The following PRMT7 variants were observed in gnomAD, a reference collection of about 807,000 sequenced individuals.
The protein encoded by PRMT7 is protein arginine methyltransferase 7.
In PRMT7, 75 loss-of-function variants were observed where a neutral mutation model predicts 85.4. The ratio of observed to expected loss-of-function variants is 0.88; its 90% CI spans 0.73 to 1.06. The LOEUF is 1.06. PRMT7 is among the 50% of genes least tolerant of loss of function. The probability of loss-of-function intolerance (pLI) is 0.00; values close to 1 mark genes in which losing one functional copy is unlikely to be tolerated. For synonymous variants in PRMT7, 397 were observed against 359.5 expected, an observed-to-expected ratio of 1.10 and a Z score of -1.18; for missense variants, 868 against 915.2, an observed-to-expected ratio of 0.95 and a Z score of 0.67.
Position 68,339,846 on chromosome 16 carries a change from C to T in PRMT7, c.805C>T (p.Pro269Ser). The T allele has an allele frequency of 1.2e-6, 2 of 1,614,198 alleles. No individual in the cohort carries two copies. Among genetic ancestry groups the T allele is most frequent in the Non-Finnish European group, 1.7e-6 (2 of 1,180,014 alleles). ...SAACHSRRFE[P>S]LTSGRAQVVL... ...AGCCTGCCATAGCAGGCGGTTTGAA[C>T]CTCTGACATCTGGCCGAGCTCAGGT... The change falls in exon 9 of 19, where the codon CCT (proline) becomes TCT (serine). Residue 269 changes from proline to serine, a missense_variant. Transcript: ENST00000441236.
At chr16:68,348,126 T>G (rs2086680966) in intron 13 of PRMT7, among the ~76,000 whole-genome samples, 1 of 152,068 alleles carries the variant, frequency 6.6e-6, no homozygotes, top group Non-Finnish European at 1.5e-5. Flanking sequence ...CGGGAGAAAT[T>G]TCTTTTGCTT....
chr16:68,316,834 A>G (rs1035524300), intron 3 of PRMT7: 1 of 152,248 alleles, frequency 6.6e-6, no homozygotes, highest in Non-Finnish European at 1.5e-5. Flanking sequence ...CATTGTGCTA[A>G]GGCTGTGGAT....
At chr16:68,333,785 A>T (rs550929061) in intron 6 of PRMT7, among the ~76,000 whole-genome samples, 89 of 151,710 alleles carry the variant, frequency 5.9e-4, no homozygotes, top group Middle Eastern at 6.8e-3. Context: ...AAAAAAAAAA[A>T]TTTTTTTTAG....
rs760575619 is a variant in PRMT7, at chr16:68,339,564, G to A, written c.746+1G>A. The A allele has an allele frequency of 2.5e-6, 4 of 1,612,832 alleles. No homozygotes were observed. Among genetic ancestry groups the A allele is most frequent in the East Asian group, 2.2e-5 (1 of 44,876 alleles). ...TCAGCGATGTGCTGCCCATGTTCAG[G>A]TACCAAGGAGCCACCATAGGTGATG... is the stretch of plus-strand genomic sequence containing the variant. On this transcript the variant is annotated splice_donor_variant, in intron 8 of 18. Coordinates refer to ENST00000441236, the MANE Select transcript of PRMT7 (RefSeq NM_019023.5). LOFTEE classifies it high-confidence loss of function.
rs2151854522 is a variant in PRMT7 at position 68,348,421 on chromosome 16, A to G, written c.1403A>G (p.Gln468Arg). 4 of 1,610,394 alleles carry G rather than the reference A, an allele frequency of 2.5e-6. No homozygotes were observed. The highest frequency in any genetic ancestry group is 3.4e-6 in the Non-Finnish European group (4 of 1,176,670). Residue 468 changes from glutamine (Q) to arginine (R), a missense_variant, in exon 14 of 19, where the codon CAG becomes CGG. Transcript: ENST00000441236. The stretch of plus-strand genomic sequence containing the variant: ...GAATTATTAACAAATGAGGACCTAC[A>G]GGGCAGAAAGGTGAGTAGCGGGAGC... ...RPELLTNEDLQGRKVSLLLGE... is the reference protein window; with the variant it reads ...RPELLTNEDLRGRKVSLLLGE...
At chr16:68,318,468 G>A (rs1216788430) in intron 3 of PRMT7, among the ~76,000 whole-genome samples, 1 of 152,076 alleles carries the variant, frequency 6.6e-6, no homozygotes, top group African/African-American at 2.4e-5. Context: ...CAAAGAGCTG[G>A]GATTACAGGC....
In PRMT7 at chr16:68,345,770, C is replaced by G. The variant is rs765611973; in HGVS notation, c.1023C>G (p.Asp341Glu). 2.5e-6 allele frequency: 4 copies of G among 1,614,164 alleles called. No individual in the cohort carries two copies. The highest frequency in any genetic ancestry group is 1.3e-5 in the African/African-American group (1 of 75,056). The change falls in exon 10 of 19, where the codon GAC becomes GAG. Residue 341 changes from aspartate to glutamate, a missense_variant. Transcript: ENST00000441236. ...SALYLVAHHD[D>E]YCVWYSLQRT... ...TCTATCTGGTAGCCCACCACGATGACTACTGCGTATGGTACAGCCTGCAGA... is the reference window on the plus strand; with the variant it reads ...TCTATCTGGTAGCCCACCACGATGAGTACTGCGTATGGTACAGCCTGCAGA...
rs1171215667 is a variant in PRMT7 at position 68,357,291 on chromosome 16, A to T, written c.*67A>T. 2.7e-6 allele frequency: 4 copies of T among 1,469,678 alleles called. No individual in the cohort carries two copies. Among genetic ancestry groups the T allele is most frequent in the Non-Finnish European group, 3.7e-6 (4 of 1,086,492 alleles). The allele number at this position is 1,469,678 out of a possible 1,614,324, so 91.0% of individuals were successfully genotyped here. A position where few individuals can be genotyped will look rare whatever the true frequency, so the allele number is the denominator to read the frequency against. Reference sequence around the variant, plus strand: ...AGTGGCTCATGGCTTTCTAGCGGGGAAGGCTGAAGGCCCTCCTCTCCTCTC... The same window carrying T: ...AGTGGCTCATGGCTTTCTAGCGGGGTAGGCTGAAGGCCCTCCTCTCCTCTC... On this transcript the variant is annotated 3_prime_UTR_variant, in exon 19 of 19. Coordinates refer to ENST00000441236, the MANE Select transcript of PRMT7 (RefSeq NM_019023.5).
At chr16:68,346,123 G>C (rs1473536735) in intron 10 of PRMT7, 22 bp from the exon 11 acceptor site, 52 of 1,612,108 alleles carry the variant, frequency 3.2e-5, no homozygotes, top group Non-Finnish European at 4.2e-5. Flanking sequence ...GCCCACGTCT[G>C]TTTGTTCATC....
chr16:68,360,348 TA>T (rs11290075), downstream of PRMT7: 84,455 of 150,490 alleles, frequency 0.56, 23,929 homozygotes, highest in East Asian at 0.78. Context: ...CTTCTTCCTG[TA>T]AAAAAAAAAG....
chr16:68,358,464 T>G lies in PRMT7; in HGVS notation c.*1240T>G, dbSNP rs570602983. ...TTCTTCTAGGGAAGAACCGTCTGGATATATATTTGATAATGTTTTTACCAA... is the reference window on the plus strand; with the variant it reads ...TTCTTCTAGGGAAGAACCGTCTGGAGATATATTTGATAATGTTTTTACCAA... On this transcript the variant is annotated 3_prime_UTR_variant, in exon 19 of 19. Coordinates refer to ENST00000441236, the MANE Select transcript of PRMT7 (RefSeq NM_019023.5). 6.5e-6 allele frequency: 1 copy of G among 152,698 alleles called. No homozygotes were observed. The highest frequency in any genetic ancestry group is 1.5e-5 in the Non-Finnish European group (1 of 68,046). 9.5% of individuals were successfully genotyped at this position (152,698 alleles called of 1,614,324 possible).
At chr16:68,317,045 C>G (rs1597109535) in intron 3 of PRMT7, 1 of 151,760 alleles carries the variant, frequency 6.6e-6, no homozygotes, top group East Asian at 1.9e-4. Flanking sequence ...GAGTTCGAGA[C>G]CAGCCTGGCC....
intron 6 of PRMT7, among the ~76,000 whole-genome samples, chr16:68,333,492 A>G (rs1011162677): frequency 8.6e-5 from 13 of 151,924 alleles, no homozygotes; most frequent in East Asian, 7.7e-4. Context: ...AAAAAAAAAA[A>G]AAAAGAAAAG....
chr16:68,329,284 C>A, intron 6 of PRMT7, 110 bp downstream of exon 6: 1 of 734,340 alleles, frequency 1.4e-6, no homozygotes, highest in South Asian at 1.7e-5. Flanking sequence ...AGAAGTGGGA[C>A]CTCTCTGTGT....
chr16:68,354,082 C>T (rs2087882124), intron 16 of PRMT7, among the ~76,000 whole-genome samples: 1 of 152,154 alleles, frequency 6.6e-6, no homozygotes, highest in Non-Finnish European at 1.5e-5. Context: ...GAGCATGGGC[C>T]GTGCTGTGTA....
chr16:68,328,708 C>A (rs1385990770), intron 5 of PRMT7, among the ~76,000 whole-genome samples: 1 of 152,048 alleles, frequency 6.6e-6, no homozygotes, highest in Non-Finnish European at 1.5e-5. Flanking sequence ...CTTACTCACA[C>A]CTACAGTCTG....
chr16:68,358,646 A>AACTT (rs1338215910), downstream of PRMT7: 9 of 152,668 alleles, frequency 5.9e-5, no homozygotes. Flanking sequence ...ATATACTTAA[A>AACTT]ACTTAAGGTG....
chr16:68,354,111 CT>C (rs2087887415), intron 16 of PRMT7, among the ~76,000 whole-genome samples: 1 of 152,164 alleles, frequency 6.6e-6, no homozygotes, highest in African/African-American at 2.4e-5. Context: ...ATGCACGTGG[CT>C]CCTGCTTGTC....
chr16:68,313,033 C>A (rs973108405), intron 2 of PRMT7, among the ~76,000 whole-genome samples: 2 of 152,176 alleles, frequency 1.3e-5, no homozygotes, highest in Admixed American at 6.5e-5. Flanking sequence ...CCATGTTGGC[C>A]AGGCTGGTCT....
Sources: gnomAD v4.1 joint callset for allele counts (sites outside exome capture counted in the v4.1 genomes callset) on GRCh38, gnomAD v4.1.1 for gene constraint, MANE v1.5 for transcripts, NCBI Gene and HGNC (gene_info 2026-07-23, HGNC 2026-07-21) for gene names.